CDH8: variants seen among roughly 807,000 people sequenced by gnomAD.
The protein encoded by CDH8 is cadherin-8.
In CDH8, 17 loss-of-function variants were observed where a neutral mutation model predicts 68.1. That is an observed-to-expected ratio of 0.25 (90% confidence interval 0.17 to 0.37). CDH8 has a LOEUF of 0.37. Ranked by LOEUF, CDH8 falls within the 10% of genes least tolerant of loss-of-function variation. The pLI is 1.00. For synonymous variants in CDH8, 372 were observed against 365.1 expected, an observed-to-expected ratio of 1.02 and a Z score of -0.21; for missense variants, 763 against 999.3, an observed-to-expected ratio of 0.76 and a Z score of 3.19.
At chr16:61,758,415 G>A (rs142372934) in intron 8 of CDH8, among the ~76,000 whole-genome samples, 172 of 152,102 alleles carry the variant, frequency 1.1e-3, no homozygotes, top group African/African-American at 4.0e-3. Flanking sequence ...AGGTCTTTTT[G>A]TTCTGTTTTG....
In CDH8 at chr16:61,651,716, T is replaced by G. The variant is rs993990706; in HGVS notation, c.*1892A>C. The G allele has an allele frequency of 6.6e-6, 1 of 152,244 alleles. No homozygotes were observed. 9.4% of individuals were successfully genotyped at this position (152,244 alleles called of 1,614,324 possible). A position where few individuals can be genotyped will look rare whatever the true frequency, so the allele number is the denominator to read the frequency against. On this transcript the variant is annotated 3_prime_UTR_variant, in exon 12 of 12. Transcript: ENST00000577390. ...TCCCTCTATTGTTACAAGTTTTAGG[T>G]CTGCAAACTTGTCTGAAGGTTTTCC...
intron 7 of CDH8, among the ~76,000 whole-genome samples, chr16:61,797,547 C>G (rs908377318): frequency 3.9e-5 from 6 of 152,082 alleles, no homozygotes; most frequent in African/African-American, 1.4e-4. Flanking sequence ...TATATCAGCA[C>G]TTCAATTACC....
chr16:61,901,266 T>C lies in CDH8; in HGVS notation c.460A>G (p.Ile154Val), dbSNP rs375669655. 2 of 1,614,010 alleles carry C rather than the reference T, an allele frequency of 1.2e-6. No individual in the cohort carries two copies. Among genetic ancestry groups the C allele is most frequent in the Non-Finnish European group, 1.7e-6 (2 of 1,179,898 alleles). The change falls in exon 3 of 12, where the codon ATT (isoleucine) becomes GTT (valine). Residue 154 changes from isoleucine to valine, a missense_variant. By Grantham distance (29) the Ile-to-Val change is conservative (BLOSUM62 3). This residue lies in a region of CDH8 where 366 missense variants were observed against 563.1 expected (regional missense o/e 0.65). Transcript: ENST00000577390. ...TCATTGATGTCTTGAACTTTAATAA[T>C]AAATTCAGAAGGAGGCTCCAGAGGT... is the stretch of plus-strand genomic sequence containing the variant. ...SKPLEPPSEF[I>V]IKVQDINDNA...
chr16:61,961,192 G>A (rs915318805), intron 2 of CDH8, among the ~76,000 whole-genome samples: 1 of 152,070 alleles, frequency 6.6e-6, no homozygotes, highest in African/African-American at 2.4e-5. Flanking sequence ...GCACGCACAT[G>A]TAGTCCCAGC....
At chr16:61,994,439 G>A (rs529246510) in intron 2 of CDH8, among the ~76,000 whole-genome samples, 92 of 152,150 alleles carry the variant, frequency 6.0e-4, no homozygotes, top group African/African-American at 2.1e-3. Flanking sequence ...TTAGACATGA[G>A]GAATGGGCCC....
chr16:61,924,649 T>C (rs1284285152), intron 2 of CDH8, among the ~76,000 whole-genome samples: 2 of 152,000 alleles, frequency 1.3e-5, no homozygotes, highest in African/African-American at 4.8e-5. Flanking sequence ...GATGGAACAA[T>C]ATAATCAGAA....
intron 2 of CDH8, among the ~76,000 whole-genome samples, chr16:61,953,364 A>AT (rs554193093): frequency 2.6e-5 from 4 of 152,060 alleles, no homozygotes; most frequent in African/African-American, 4.8e-5. Flanking sequence ...TCTACTTGAT[A>AT]TTTTTTCTGT....
At chr16:61,898,734 T>C (rs1172496901) in intron 3 of CDH8, among the ~76,000 whole-genome samples, 2 of 152,118 alleles carry the variant, frequency 1.3e-5, no homozygotes, top group Admixed American at 6.6e-5. Context: ...CAGCAGTCAG[T>C]AGTGACTGGA....
rs1964677393 is a variant in CDH8 at position 61,714,021 on chromosome 16, A to T, written c.1537-63T>A. On this transcript the variant is annotated intron_variant, in intron 9 of 11. Coordinates refer to ENST00000577390, the MANE Select transcript of CDH8 (RefSeq NM_001796.5). ...TTCAGAGGCTCCTGCCATCGGTAAA[A>T]GCTTAGTGACATTCTTTTTGTGGTC... 64 of 963,358 alleles carry T rather than the reference A, an allele frequency of 6.6e-5. No homozygotes were observed. The South Asian group carries it at 7.8e-4, about 12-fold the overall frequency. 59.7% of individuals were successfully genotyped at this position (963,358 alleles called of 1,614,324 possible).
chr16:61,915,922 A>G (rs1246347532), intron 2 of CDH8, among the ~76,000 whole-genome samples: 1 of 152,164 alleles, frequency 6.6e-6, no homozygotes, highest in African/African-American at 2.4e-5. Context: ...CAAGATGAAG[A>G]ATTACTAGCT....
chr16:61,840,552 A>T (rs945179346), intron 4 of CDH8, among the ~76,000 whole-genome samples: 2 of 152,202 alleles, frequency 1.3e-5, no homozygotes, highest in African/African-American at 4.8e-5. Flanking sequence ...ATGCATGAAT[A>T]CTTTTTTTCC....
chr16:61,987,746 T>TAAA (rs61546952), intron 2 of CDH8, among the ~76,000 whole-genome samples: 1 of 144,374 alleles, frequency 6.9e-6, no homozygotes, highest in African/African-American at 2.5e-5. Context: ...TTTAGATTGG[T>TAAA]AAAAAAAAAA....
chr16:61,701,313 C>G (rs1964424611), intron 10 of CDH8, among the ~76,000 whole-genome samples: 1 of 152,156 alleles, frequency 6.6e-6, no homozygotes, highest in African/African-American at 2.4e-5. Context: ...GTGTACCTAA[C>G]TTTAAATCAT....
At chr16:61,951,484 G>T (rs1004553644) in intron 2 of CDH8, among the ~76,000 whole-genome samples, 1 of 143,198 alleles carries the variant, frequency 7.0e-6, no homozygotes, top group African/African-American at 2.7e-5. Flanking sequence ...CTGCACTCCA[G>T]CCTGGGCAAC....
At chr16:61,964,309 C>G (rs1965209626) in intron 2 of CDH8, among the ~76,000 whole-genome samples, 1 of 152,184 alleles carries the variant, frequency 6.6e-6, no homozygotes, top group African/African-American at 2.4e-5. Context: ...AGGATTCTAA[C>G]CTGGCAGTTC....
intron 2 of CDH8, among the ~76,000 whole-genome samples, chr16:61,986,280 G>T (rs1965626365): frequency 6.6e-6 from 1 of 152,128 alleles, no homozygotes; most frequent in South Asian, 2.1e-4. Flanking sequence ...AGATCTAAAT[G>T]ATAATGGAAT....
At chr16:61,782,064 A>T (rs1961073132) in intron 8 of CDH8, among the ~76,000 whole-genome samples, 1 of 152,202 alleles carries the variant, frequency 6.6e-6, no homozygotes, top group Non-Finnish European at 1.5e-5. Context: ...AGGCTGCTAT[A>T]AGAAACAAAC....
intron 10 of CDH8, among the ~76,000 whole-genome samples, chr16:61,677,575 C>A (rs759274008): frequency 6.6e-6 from 1 of 151,888 alleles, no homozygotes; most frequent in Non-Finnish European, 1.5e-5. Context: ...ATTGCAACAA[C>A]CCCCAATCTT....
At chr16:61,787,415 G>T (rs1224034617) in intron 8 of CDH8, among the ~76,000 whole-genome samples, 1 of 138,180 alleles carries the variant, frequency 7.2e-6, no homozygotes, top group Non-Finnish European at 1.5e-5. Flanking sequence ...CAGTTAGAAT[G>T]GCAATCATTA....
Sources: gnomAD v4.1 joint callset for allele counts (sites outside exome capture counted in the v4.1 genomes callset) on GRCh38, gnomAD v4.1.1 for gene constraint, gnomAD v4.1.1 regional missense constraint, MANE v1.5 for transcripts, NCBI Gene and HGNC (gene_info 2026-07-23, HGNC 2026-07-21) for gene names.